SUPT16H: variants seen among roughly 807,000 people sequenced by gnomAD.
The protein encoded by SUPT16H is FACT complex subunit SPT16.
SUPT16H carries 24 observed loss-of-function variants against 136.2 expected under a neutral mutation model. The ratio of observed to expected loss-of-function variants is 0.18; its 90% CI spans 0.13 to 0.25. The LOEUF is 0.25. Ranked by LOEUF, SUPT16H falls within the 10% of genes least tolerant of loss-of-function variation. SUPT16H has a pLI of 1.00. For synonymous variants in SUPT16H, 415 were observed against 428.2 expected (o/e 0.97, Z 0.38); for missense variants, 623 against 1,270.2 (o/e 0.49, Z 7.74).
intron 1 of SUPT16H, among the ~76,000 whole-genome samples, chr14:21,381,607 TA>T (rs1383474068): frequency 3.6e-4 from 11 of 30,920 alleles, no homozygotes; most frequent in African/African-American, 7.0e-4. Context: ...GCTTGGGATT[TA>T]TTTTTTTTTT....
In SUPT16H at chr14:21,363,068, A is replaced by G. The variant is rs1425016512; in HGVS notation, c.1477T>C (p.Leu493=). 21 of 1,613,858 alleles carry G rather than the reference A, an allele frequency of 1.3e-5. No individual in the cohort carries two copies. Among genetic ancestry groups the G allele is most frequent in the Non-Finnish European group, 1.6e-5 (19 of 1,180,036 alleles). The stretch of plus-strand genomic sequence containing the variant: ...TGCTGTTCTCCCTTTTGTTCAGTCA[A>G]TCGCCTCTTTGCTTCTTCATTGAGT... ...AQLNEEAKRR[L]TEQKGEQQIQ... The change falls in exon 13 of 26, where the codon TTG becomes CTG. Residue 493 remains leucine (L), a synonymous_variant. Coordinates refer to ENST00000216297, the MANE Select transcript of SUPT16H (RefSeq NM_007192.4).
intron 22 of SUPT16H, among the ~76,000 whole-genome samples, chr14:21,355,429 G>C (rs1408233437): frequency 1.3e-5 from 2 of 151,096 alleles, no homozygotes; most frequent in Non-Finnish European, 2.9e-5. Flanking sequence ...GGAGGTGGAG[G>C]TTGCAGTGAG....
At chr14:21,379,311 C>A (rs536797851) in intron 1 of SUPT16H, among the ~76,000 whole-genome samples, 1 of 151,980 alleles carries the variant, frequency 6.6e-6, no homozygotes, top group African/African-American at 2.4e-5. Flanking sequence ...TGGCACACAC[C>A]TGTAATCTCA....
chr14:21,353,391 T>C, intron 25 of SUPT16H, 97 bp downstream of exon 25: 12 of 1,239,476 alleles, frequency 9.7e-6, no homozygotes, highest in Non-Finnish European at 1.2e-6. Flanking sequence ...CTTTTGTTAC[T>C]TTCATTACGC....
At chr14:21,363,760 C>T (rs1886607666) in intron 10 of SUPT16H, among the ~76,000 whole-genome samples, 1 of 152,096 alleles carries the variant, frequency 6.6e-6, no homozygotes, top group Non-Finnish European at 1.5e-5. Context: ...CTCACTGCAA[C>T]CTCCGCCTCC....
Position 21,369,342 on chromosome 14 carries a change from C to T in SUPT16H, c.644G>A (p.Ser215Asn), listed in dbSNP as rs1449585974. The change falls in exon 6 of 26, where the codon AGC becomes AAC. Residue 215 changes from serine to asparagine, a missense_variant. This residue lies in a region of SUPT16H where 343 missense variants were observed against 525.7 expected (regional missense o/e 0.65). Coordinates refer to ENST00000216297, the MANE Select transcript of SUPT16H (RefSeq NM_007192.4). Reference protein sequence around the residue: ...IVDADEKVRHSKLAESVEKAI... With the variant: ...IVDADEKVRHNKLAESVEKAI... ...CTTTTCCACAGACTCAGCCAGTTTG[C>T]TGTGTCGAACTTTCTGTAAGAGCAT... 6.2e-7 allele frequency: 1 copy of T among 1,613,990 alleles called. No individual in the cohort carries two copies. Among genetic ancestry groups the T allele is most frequent in the Admixed American group, 1.7e-5 (1 of 59,998 alleles).
chr14:21,361,990 G>A (rs542149858), intron 15 of SUPT16H, among the ~76,000 whole-genome samples: 1 of 152,224 alleles, frequency 6.6e-6, no homozygotes, highest in South Asian at 2.1e-4. Context: ...AATATGTTTA[G>A]TAAATATATA....
At chr14:21,367,263 T>G (rs1230176425) in intron 7 of SUPT16H, among the ~76,000 whole-genome samples, 1 of 152,186 alleles carries the variant, frequency 6.6e-6, no homozygotes, top group Non-Finnish European at 1.5e-5. Context: ...TATTTGAGAA[T>G]CACTGATCTA....
chr14:21,370,237 A>T, intron 4 of SUPT16H, 99 bp downstream of exon 4: 2 of 1,413,612 alleles, frequency 1.4e-6, no homozygotes, highest in Non-Finnish European at 1.9e-6. Context: ...ACAAACATAC[A>T]GTTTTCCCAA....
chr14:21,358,559 T>G (rs3762157), intron 19 of SUPT16H, 132 bp from the exon 20 acceptor site: 590,921 of 636,738 alleles, frequency 0.93, 274,751 homozygotes, highest in African/African-American at 0.98. Flanking sequence ...TGGGCAGGAT[T>G]TGCAGGTTTG....
Position 21,357,369 on chromosome 14 carries a change from G to A in SUPT16H, c.2491-3C>T, listed in dbSNP as rs749516695. The A allele has an allele frequency of 1.8e-5, 29 of 1,572,054 alleles. No homozygotes were observed. Among genetic ancestry groups the A allele is most frequent in the East Asian group, 6.9e-5 (3 of 43,514 alleles). On this transcript the variant is annotated splice_polypyrimidine_tract_variant and splice_region_variant and intron_variant, in intron 21 of 25. Transcript: ENST00000216297. The stretch of plus-strand genomic sequence containing the variant: ...TCCAATGTCACCACAAAAGGTGGCT[G>A]TCAGGGAGAAACTGAATCATTAGCA...
intron 2 of SUPT16H, chr14:21,372,595 CT>C (rs1566392289): frequency 2.5e-6 from 1 of 406,064 alleles, no homozygotes; most frequent in East Asian, 7.3e-5. Context: ...TTCTCTGTCT[CT>C]TTTTGCTTGG....
chr14:21,365,720 G>GTATAAAATACATTTGAGAAATA (rs1344174988), intron 8 of SUPT16H, among the ~76,000 whole-genome samples: 2 of 151,706 alleles, frequency 1.3e-5, no homozygotes, highest in African/African-American at 4.8e-5. Context: ...TTTGAGAAAT[G>GTATAAAATACATTTGAGAAATA]TATAAAATAC....
chr14:21,369,863 C>T lies in SUPT16H; in HGVS notation c.517G>A (p.Ala173Thr), dbSNP rs764567155. The change falls in exon 5 of 26, where the codon GCT (alanine) becomes ACT (threonine). Residue 173 changes from alanine (A) to threonine (T), a missense_variant. Coordinates refer to ENST00000216297, the MANE Select transcript of SUPT16H (RefSeq NM_007192.4). ...DISAVVAYTIAVKEDGELNLM... is the reference protein window; with the variant it reads ...DISAVVAYTITVKEDGELNLM... ...TTGAGCTCCCCATCCTCCTTTACAGCGATGGTATATGCCACAACTGCACTG... is the reference window on the plus strand; with the variant it reads ...TTGAGCTCCCCATCCTCCTTTACAGTGATGGTATATGCCACAACTGCACTG... The T allele has an allele frequency of 2.5e-5, 41 of 1,614,114 alleles. No individual in the cohort carries two copies. Among genetic ancestry groups the T allele is most frequent in the East Asian group, 4.5e-5 (2 of 44,882 alleles).
intron 15 of SUPT16H, 53 bp from the exon 16 acceptor site, chr14:21,361,266 T>A (rs768333134): frequency 3.8e-5 from 61 of 1,592,630 alleles, no homozygotes; most frequent in Admixed American, 8.4e-5. Flanking sequence ...CCAGGGAAAT[T>A]GTACTGATTT....
Position 21,352,524 on chromosome 14 carries a change from A to T in SUPT16H, c.*149T>A. On this transcript the variant is annotated 3_prime_UTR_variant, in exon 26 of 26. Coordinates refer to ENST00000216297, the MANE Select transcript of SUPT16H (RefSeq NM_007192.4). ...GGTGGGCCTGGAATTCCCCGAGTAG[A>T]TTGGTCCACACAAATGGCCCCCTAA... The T allele has an allele frequency of 7.9e-7, 1 of 1,272,142 alleles. No individual in the cohort carries two copies. The highest frequency in any genetic ancestry group is 1.1e-6 in the Non-Finnish European group (1 of 919,014). The allele number at this position is 1,272,142 out of a possible 1,614,324, so 78.8% of individuals were successfully genotyped here. A position where few individuals can be genotyped will look rare whatever the true frequency, so the allele number is the denominator to read the frequency against.
chr14:21,368,293 C>A lies in SUPT16H; in HGVS notation c.931G>T (p.Glu311Ter), dbSNP rs1162114539. 2 of 1,613,282 alleles carry A rather than the reference C, an allele frequency of 1.2e-6. No individual in the cohort carries two copies. Among genetic ancestry groups the A allele is most frequent in the Middle Eastern group, 1.7e-4 (1 of 6,040 alleles). ...CCATGTCTTAATTCCTTCAGCAGCT[C>A]CTCTTGAAGCTGGAGCAAAAAGTTA... ...NYNFLLQLQE[E>*]LLKELRHGVK... The change falls in exon 7 of 26, where the codon GAG (glutamate) becomes TAG (stop). Residue 311 changes from glutamate to a stop codon, truncating the protein, a stop_gained. Coordinates refer to ENST00000216297, the MANE Select transcript of SUPT16H (RefSeq NM_007192.4). LOFTEE classifies it high-confidence loss of function.
chr14:21,369,585 T>C, intron 5 of SUPT16H, 165 bp downstream of exon 5: 1 of 1,034,062 alleles, frequency 9.7e-7, no homozygotes, highest in Non-Finnish European at 1.4e-6. Context: ...CAAGAAAACA[T>C]AACGCAGGCT....
At chr14:21,362,686 G>T in intron 14 of SUPT16H, 108 bp downstream of exon 14, 1 of 1,286,668 alleles carries the variant, frequency 7.8e-7, no homozygotes, top group Non-Finnish European at 1.1e-6. Flanking sequence ...AACAGAGTCT[G>T]AAGGAGTCAA....
Sources: allele counts gnomAD v4.1 joint callset (sites outside exome capture counted in the v4.1 genomes callset), GRCh38; gene constraint gnomAD v4.1.1; regional missense constraint gnomAD v4.1.1; transcripts MANE v1.5; gene names NCBI Gene and HGNC (gene_info 2026-07-23, HGNC 2026-07-21).